Variants in POLR2B observed in about 807,000 individuals in gnomAD.
POLR2B encodes DNA-directed RNA polymerase II subunit RPB2.
In POLR2B, 57 loss-of-function variants were observed where a neutral mutation model predicts 144.6. The observed-to-expected ratio is 0.39, with a 90% confidence interval of 0.32 to 0.49. POLR2B has a LOEUF of 0.49. POLR2B is among the 20% of genes least tolerant of loss of function. The pLI, the probability that POLR2B is intolerant of heterozygous loss-of-function variation, is 0.83. For missense variants in POLR2B, 595 were observed against 1,467.4 expected (o/e 0.41, Z 9.71); for synonymous variants, 442 against 469.8 (o/e 0.94, Z 0.77).
intron 2 of POLR2B, among the ~76,000 whole-genome samples, chr4:56,989,145 G>A (rs1275530717): frequency 1.3e-5 from 2 of 152,088 alleles, no homozygotes; most frequent in Non-Finnish European, 2.9e-5. Context: ...TCATAAATAT[G>A]AAATATTTAT....
chr4:57,010,728 A>G lies in POLR2B; in HGVS notation c.1549-20A>G. On this transcript the variant is annotated intron_variant, in intron 11 of 24. Transcript: ENST00000314595. The stretch of plus-strand genomic sequence containing the variant: ...TAGGCATGTAAAATCAGAATGACTA[A>G]TACTTGGTTTATTTTTTAGGGCCAT... 6.4e-7 allele frequency: 1 copy of G among 1,571,850 alleles called. No homozygotes were observed. Among genetic ancestry groups the G allele is most frequent in the Non-Finnish European group, 8.6e-7 (1 of 1,160,426 alleles).
At chr4:57,002,362 A>G (rs1311471656) in intron 7 of POLR2B, among the ~76,000 whole-genome samples, 2 of 152,108 alleles carry the variant, frequency 1.3e-5, no homozygotes, top group Non-Finnish European at 2.9e-5. Flanking sequence ...AGTGAAAAAT[A>G]TGATATGCTT....
intron 21 of POLR2B, 84 bp downstream of exon 21, chr4:57,024,196 C>T (rs1437385076): frequency 2.2e-5 from 15 of 685,788 alleles, no homozygotes; most frequent in Non-Finnish European, 3.4e-5. Flanking sequence ...ACATTTGAGC[C>T]AGGGTACTTT....
At chr4:57,008,272 C>T (rs111548318) in intron 10 of POLR2B, among the ~76,000 whole-genome samples, 1,608 of 151,282 alleles carry the variant, frequency 0.011, 8 homozygotes, top group Middle Eastern at 0.017. Context: ...TGGCAATCTC[C>T]GCTCACTGCA....
intron 1 of POLR2B, among the ~76,000 whole-genome samples, chr4:56,982,998 C>T (rs926408330): frequency 3.3e-5 from 5 of 152,222 alleles, no homozygotes; most frequent in African/African-American, 1.2e-4. Context: ...ATCCCCTCCA[C>T]CATCATTCTA....
Position 57,010,553 on chromosome 4 carries a change from T to C in POLR2B, c.1548+49T>C, listed in dbSNP as rs115140828. 3.9e-3 allele frequency: 6,056 copies of C among 1,553,514 alleles called. 34 individuals carry two copies. The highest frequency in any genetic ancestry group is 0.027 in the Middle Eastern group (158 of 5,832). ...AGGACAAAAAGTCAGTGGGTAATTATGTAGGGCATAATTACTTTTAGAAAT... is the reference window on the plus strand; with the variant it reads ...AGGACAAAAAGTCAGTGGGTAATTACGTAGGGCATAATTACTTTTAGAAAT... On this transcript the variant is annotated intron_variant, in intron 11 of 24. Coordinates refer to ENST00000314595, the MANE Select transcript of POLR2B (RefSeq NM_000938.3).
intron 7 of POLR2B, among the ~76,000 whole-genome samples, chr4:57,003,159 C>T (rs771023182): frequency 1.3e-5 from 2 of 152,046 alleles, no homozygotes; most frequent in African/African-American, 4.8e-5. Flanking sequence ...GGGCTGGGTG[C>T]GGTGGCTCAC....
chr4:56,981,005 G>A (rs757709770), intron 1 of POLR2B, among the ~76,000 whole-genome samples: 2 of 152,024 alleles, frequency 1.3e-5, no homozygotes, highest in Non-Finnish European at 2.9e-5. Context: ...GTTTCTCCAC[G>A]TTGGCCAGGC....
rs2271806 is a variant in POLR2B at position 57,020,984 on chromosome 4, C to T, written c.2409C>T (p.Arg803=). 0.072 allele frequency: 113,410 copies of T among 1,574,584 alleles called. 4,498 individuals carry two copies. The highest frequency in any genetic ancestry group is 0.09 in the African/African-American group (6,637 of 74,096). The change falls in exon 17 of 25, where the codon CGC becomes CGT. Residue 803 remains arginine, a synonymous_variant. Transcript: ENST00000314595. ...TCATGAATCGTTCAGCTGTAGACCG[C>T]GGCTTCTTCAGGTTAGTATTTTGTA... ...SVIMNRSAVD[R]GFFRSVFYRS...
rs771580872 is a variant in POLR2B, at chr4:57,017,532, T to A, written c.2155-28T>A. ...TCCATTAGTGATAGTAACTTTTTGT[T>A]GTTTCTGCTTTTCATTTTTACGTTT... On this transcript the variant is annotated intron_variant, in intron 15 of 24. Coordinates refer to ENST00000314595, the MANE Select transcript of POLR2B (RefSeq NM_000938.3). This position sits in a 1 kb window ranked among gnomAD's most constrained non-coding sequence, Gnocchi z 4.8. The A allele has an allele frequency of 1.9e-6, 3 of 1,546,374 alleles. No homozygotes were observed. In the African/African-American group the frequency reaches 4.2e-5, roughly 21 times the overall value.
At position 57,030,880 on chromosome 4, in the gene POLR2B, A is replaced by G. The variant is rs1288646236; in HGVS notation, c.3436-19A>G. 2.0e-6 allele frequency: 3 copies of G among 1,494,850 alleles called. No homozygotes were observed. The highest frequency in any genetic ancestry group is 2.3e-5 in the East Asian group (1 of 44,290). The allele number at this position is 1,494,850 out of a possible 1,614,324, so 92.6% of individuals were successfully genotyped here. A position where few individuals can be genotyped will look rare whatever the true frequency, so the allele number is the denominator to read the frequency against. On this transcript the variant is annotated intron_variant, in intron 24 of 24. Coordinates refer to ENST00000314595, the MANE Select transcript of POLR2B (RefSeq NM_000938.3). Reference sequence around the variant, plus strand: ...CTTCAATACAATTCTGCTAATTACCATTTGTTTTTTCTTTTCAGATTTCTT... The same window carrying G: ...CTTCAATACAATTCTGCTAATTACCGTTTGTTTTTTCTTTTCAGATTTCTT...
chr4:56,996,278 A>AT (rs869299001), intron 6 of POLR2B, among the ~76,000 whole-genome samples: 73 of 59,728 alleles, frequency 1.2e-3, no homozygotes, highest in Non-Finnish European at 1.9e-3. Flanking sequence ...ATATATATAT[A>AT]TTTTTTTTTT....
At position 57,006,778 on chromosome 4, in the gene POLR2B, C is replaced by G. The variant is rs761693318; in HGVS notation, c.1218-38C>G. On this transcript the variant is annotated intron_variant, in intron 9 of 24. Transcript: ENST00000314595. ...TCCTGTTGAGAATATATGTTGTAGA[C>G]CTCTACATGTTTAAAATAATACCAT... 2.0e-6 allele frequency: 3 copies of G among 1,482,998 alleles called. No homozygotes were observed. The Admixed American group carries it at 5.2e-5, about 25-fold the overall frequency. The allele number at this position is 1,482,998 out of a possible 1,614,324, so 91.9% of individuals were successfully genotyped here.
At chr4:57,016,534 T>G (rs73167841) in intron 14 of POLR2B, among the ~76,000 whole-genome samples, 4,503 of 151,832 alleles carry the variant, frequency 0.03, 326 homozygotes, top group East Asian at 0.25. Flanking sequence ...AAAAAAAAGT[T>G]TTTGTGATAT....
intron 1 of POLR2B, among the ~76,000 whole-genome samples, chr4:56,982,071 A>G (rs1722171459): frequency 6.6e-6 from 1 of 151,824 alleles, no homozygotes; most frequent in Admixed American, 6.6e-5. Context: ...TCCATTTTCC[A>G]TTGTTTCAGT....
chr4:57,021,007 G>A lies in POLR2B; in HGVS notation c.2420+12G>A, dbSNP rs368738581. On this transcript the variant is annotated intron_variant, in intron 17 of 24. Coordinates refer to ENST00000314595, the MANE Select transcript of POLR2B (RefSeq NM_000938.3). ...CGCGGCTTCTTCAGGTTAGTATTTT[G>A]TAAATTTGTCAAAACACAGATACAG... The A allele has an allele frequency of 6.9e-7, 1 of 1,450,760 alleles. No homozygotes were observed. Among genetic ancestry groups the A allele is most frequent in the Non-Finnish European group, 9.7e-7 (1 of 1,032,440 alleles). The allele number at this position is 1,450,760 out of a possible 1,614,324, so 89.9% of individuals were successfully genotyped here. A position where few individuals can be genotyped will look rare whatever the true frequency, so the allele number is the denominator to read the frequency against.
rs1578579467 is a variant in POLR2B at position 57,010,582 on chromosome 4, T to A, written c.1548+78T>A. The A allele has an allele frequency of 9.6e-6, 14 of 1,460,772 alleles. No individual in the cohort carries two copies. The East Asian group carries it at 1.6e-4, about 17-fold the overall frequency. 90.5% of individuals were successfully genotyped at this position (1,460,772 alleles called of 1,614,324 possible). A position where few individuals can be genotyped will look rare whatever the true frequency, so the allele number is the denominator to read the frequency against. On this transcript the variant is annotated intron_variant, in intron 11 of 24. Coordinates refer to ENST00000314595, the MANE Select transcript of POLR2B (RefSeq NM_000938.3). ...GGGCATAATTACTTTTAGAAATAGA[T>A]GTTTGAAAAATTATGCAGAGTGGTT...
At chr4:56,989,245 T>C (rs564308550) in intron 2 of POLR2B, among the ~76,000 whole-genome samples, 1 of 152,346 alleles carries the variant, frequency 6.6e-6, no homozygotes, top group African/African-American at 2.4e-5. Context: ...ATCTATAGTT[T>C]AGAAGCTATT....
At position 56,986,127 on chromosome 4, in the gene POLR2B, A is replaced by G. The variant is rs931530525; in HGVS notation, c.20-227A>G. 8.9e-5 allele frequency: 45 copies of G among 506,666 alleles called. 1 individual carries two copies. Among genetic ancestry groups the G allele is most frequent in the Non-Finnish European group, 1.4e-4 (39 of 283,384 alleles). The allele number at this position is 506,666 out of a possible 1,614,324, so 31.4% of individuals were successfully genotyped here. ...AAATGGAAAACTTAACATTCATACA[A>G]CTTACATTGAACCTTTCTAATAAAC... On this transcript the variant is annotated intron_variant, in intron 1 of 24. Transcript: ENST00000314595.
Sources: allele counts gnomAD v4.1 joint callset (sites outside exome capture counted in the v4.1 genomes callset), GRCh38; gene constraint gnomAD v4.1.1; non-coding constraint Gnocchi (gnomAD v3.1); transcripts MANE v1.5; gene names NCBI Gene and HGNC (gene_info 2026-07-23, HGNC 2026-07-21).